CLCC1: variants seen among roughly 807,000 people sequenced by gnomAD.
CLCC1 encodes the protein chloride channel CLIC-like protein 1.
In CLCC1, 39 loss-of-function variants were observed where a neutral mutation model predicts 63.3. The observed-to-expected ratio is 0.62, with a 90% confidence interval of 0.48 to 0.81. The LOEUF is 0.81. Among genes scored for constraint, CLCC1 ranks in the 30% least tolerant of loss-of-function variants. CLCC1 has a pLI of 0.00. For synonymous variants in CLCC1, 217 were observed against 239.8 expected (o/e 0.90, Z 0.88); for missense variants, 549 against 669.4 (o/e 0.82, Z 1.98).
rs1477075797 is a variant in CLCC1 at position 108,962,472 on chromosome 1, G to A, written c.-172-3C>T. 1 of 152,148 alleles carries A rather than the reference G, an allele frequency of 6.6e-6. No individual in the cohort carries two copies. Among genetic ancestry groups the A allele is most frequent in the East Asian group, 1.9e-4 (1 of 5,202 alleles). 9.4% of individuals were successfully genotyped at this position (152,148 alleles called of 1,614,324 possible). A position where few individuals can be genotyped will look rare whatever the true frequency, so the allele number is the denominator to read the frequency against. ...TCCCAGATGACGATAAAGCTAGTCT[G>A]GGAAGAACACTTCATAATCACTATT... On this transcript the variant is annotated splice_polypyrimidine_tract_variant and splice_region_variant and intron_variant, in intron 1 of 12. Coordinates refer to ENST00000369969, the MANE Select transcript of CLCC1 (RefSeq NM_001377458.1).
Position 108,947,684 on chromosome 1 carries a change from T to C in CLCC1, c.266A>G (p.Tyr89Cys). The change falls in exon 5 of 13, where the codon TAT (tyrosine) becomes TGT (cysteine). Residue 89 changes from tyrosine to cysteine, a missense_variant. Transcript: ENST00000369969. Reference sequence around the variant, plus strand: ...AAAAACAGGATTGCTTTGACTTTCATAGTCTTCCCTCTTTTTCTTTTCACA... The same window carrying C: ...AAAAACAGGATTGCTTTGACTTTCACAGTCTTCCCTCTTTTTCTTTTCACA... Reference protein sequence around the residue: ...DECEKKKREDYESQSNPVFRR... With the variant: ...DECEKKKREDCESQSNPVFRR... 1.9e-6 allele frequency: 3 copies of C among 1,611,044 alleles called. No homozygotes were observed. Among genetic ancestry groups the C allele is most frequent in the South Asian group, 1.1e-5 (1 of 90,342 alleles).
chr1:108,946,052 A>T lies in CLCC1; in HGVS notation c.339+1559T>A, dbSNP rs575960947. 9.9e-4 allele frequency among the ~76,000 whole-genome samples: 151 copies of T among 151,930 alleles called. 2 individuals are homozygous for T. The highest frequency in any genetic ancestry group is 2.1e-3 in the Non-Finnish European group (141 of 67,916). ...TGGCCGGGCGCGGTGGCTCATGCCT[A>T]TAATCCCAGCACTTTGGGAGGCATG... is the stretch of plus-strand genomic sequence containing the variant. On this transcript the variant is annotated intron_variant, in intron 5 of 12. Coordinates refer to ENST00000369969, the MANE Select transcript of CLCC1 (RefSeq NM_001377458.1).
At position 108,947,658 on chromosome 1, in the gene CLCC1, TA is replaced by T; in HGVS notation, c.291del (p.Phe97LeufsTer5). 1.2e-6 allele frequency: 2 copies of T among 1,612,524 alleles called. No homozygotes were observed. Among genetic ancestry groups the T allele is most frequent in the South Asian group, 1.1e-5 (1 of 90,602 alleles). ...ATTAAAATCTTATTTAAGTATCTCCTAAAAACAGGATTGCTTTGACTTTCAT... is the reference window on the plus strand; with the variant it reads ...ATTAAAATCTTATTTAAGTATCTCCTAAAACAGGATTGCTTTGACTTTCAT... Reference protein sequence around the residue: ...EDYESQSNPVFRRYLNKILIE... With the variant: ...EDYESQSNPVXRRYLNKILIE... On this transcript the variant is annotated frameshift_variant, in exon 5 of 13. Coordinates refer to ENST00000369969, the MANE Select transcript of CLCC1 (RefSeq NM_001377458.1). LOFTEE classifies it high-confidence loss of function.
At chr1:108,958,654 G>A (rs946894372) in intron 2 of CLCC1, among the ~76,000 whole-genome samples, 9 of 147,330 alleles carry the variant, frequency 6.1e-5, no homozygotes, top group South Asian at 2.1e-4. Flanking sequence ...CCCAGCAGGC[G>A]GATCACTTGA....
intron 2 of CLCC1, among the ~76,000 whole-genome samples, chr1:108,959,861 G>A (rs938933648): frequency 9.2e-5 from 14 of 152,132 alleles, no homozygotes; most frequent in Admixed American, 2.0e-4. Flanking sequence ...CGGTTGTGGC[G>A]ACTCACGCCT....
At chr1:108,934,566 C>T in intron 12 of CLCC1, 59 bp downstream of exon 12, 1 of 1,375,102 alleles carries the variant, frequency 7.3e-7, no homozygotes, top group Middle Eastern at 2.7e-4. Flanking sequence ...GAAGTTGGCA[C>T]CTTTGTAGTA....
At chr1:108,963,046 C>T (rs1656869630) in intron 1 of CLCC1, among the ~76,000 whole-genome samples, 1 of 152,218 alleles carries the variant, frequency 6.6e-6, no homozygotes, top group Non-Finnish European at 1.5e-5. Flanking sequence ...ATAACCAAAG[C>T]CAACAGAATT....
intron 10 of CLCC1, among the ~76,000 whole-genome samples, 183 bp downstream of exon 10, chr1:108,939,453 C>G (rs547100785): frequency 6.6e-6 from 1 of 151,184 alleles, no homozygotes; most frequent in African/African-American, 2.4e-5. Flanking sequence ...ACTACAGGCG[C>G]CCGCCACCAC....
chr1:108,942,552 A>G (rs1301070189), intron 7 of CLCC1, among the ~76,000 whole-genome samples: 1 of 152,130 alleles, frequency 6.6e-6, no homozygotes, highest in Non-Finnish European at 1.5e-5. Context: ...AAGATCTAAA[A>G]TTTTCTTTCA....
intron 2 of CLCC1, among the ~76,000 whole-genome samples, chr1:108,951,488 A>G (rs566710338): frequency 2.0e-5 from 3 of 152,200 alleles, no homozygotes; most frequent in Non-Finnish European, 2.9e-5. Context: ...AAATACTGAC[A>G]CCATGCTACA....
intron 4 of CLCC1, 83 bp from the exon 5 acceptor site, chr1:108,947,801 G>A: frequency 1.1e-6 from 1 of 886,938 alleles, no homozygotes; most frequent in Non-Finnish European, 1.8e-6. Context: ...GCTGTCATCG[G>A]AATCAAGGTA....
At chr1:108,950,277 T>C (rs1655022027) in intron 3 of CLCC1, 32 bp downstream of exon 3, 6 of 1,595,482 alleles carry the variant, frequency 3.8e-6, no homozygotes, top group Non-Finnish European at 5.1e-6. Context: ...ACTGATAAGG[T>C]CTCACACACA....
chr1:108,959,687 G>A (rs997447365), intron 2 of CLCC1, among the ~76,000 whole-genome samples: 16 of 152,128 alleles, frequency 1.1e-4, no homozygotes, highest in African/African-American at 3.9e-4. Context: ...GCATTTACTA[G>A]GATCTTAGAA....
chr1:108,930,033 C>G lies in CLCC1; in HGVS notation c.*2514G>C. The G allele has an allele frequency of 9.1e-7, 1 of 1,096,992 alleles. No individual in the cohort carries two copies. 68.0% of individuals were successfully genotyped at this position (1,096,992 alleles called of 1,614,324 possible). ...AAGGAGAATTTATAGCACTGTAATACAGCTTAAAATATTTTTAGAATGATG... is the reference window on the plus strand; with the variant it reads ...AAGGAGAATTTATAGCACTGTAATAGAGCTTAAAATATTTTTAGAATGATG... On this transcript the variant is annotated 3_prime_UTR_variant, in exon 13 of 13. Coordinates refer to ENST00000369969, the MANE Select transcript of CLCC1 (RefSeq NM_001377458.1).
At chr1:108,936,589 GA>G (rs1653041920) in intron 11 of CLCC1, among the ~76,000 whole-genome samples, 1 of 152,276 alleles carries the variant, frequency 6.6e-6, no homozygotes, top group African/African-American at 2.4e-5. Context: ...TGATAATGGT[GA>G]AAAACTTCTT....
At chr1:108,941,520 C>A in intron 7 of CLCC1, 22 bp from the exon 8 acceptor site, 1 of 1,605,374 alleles carries the variant, frequency 6.2e-7, no homozygotes, top group Non-Finnish European at 8.5e-7. Flanking sequence ...CAAAAGGGAA[C>A]CAGGAGAGGC....
In CLCC1 at chr1:108,929,590, C is replaced by G. The variant is rs1651541517; in HGVS notation, c.*2957G>C. On this transcript the variant is annotated 3_prime_UTR_variant, in exon 13 of 13. Coordinates refer to ENST00000369969, the MANE Select transcript of CLCC1 (RefSeq NM_001377458.1). ...AAAACAAAGATTAATTTCTGAGAAGCCCCAAATAAAAGTTTACAACTGCGT... is the reference window on the plus strand; with the variant it reads ...AAAACAAAGATTAATTTCTGAGAAGGCCCAAATAAAAGTTTACAACTGCGT... The G allele has an allele frequency of 1.1e-6, 1 of 888,418 alleles. No individual in the cohort carries two copies. Among genetic ancestry groups the G allele is most frequent in the South Asian group, 1.4e-5 (1 of 70,456 alleles). The allele number at this position is 888,418 out of a possible 1,614,324, so 55.0% of individuals were successfully genotyped here. A position where few individuals can be genotyped will look rare whatever the true frequency, so the allele number is the denominator to read the frequency against.
rs748459449 is a variant in CLCC1, at chr1:108,943,468, A to G, written c.702+7T>C. On this transcript the variant is annotated splice_region_variant and intron_variant, in intron 7 of 12. Coordinates refer to ENST00000369969, the MANE Select transcript of CLCC1 (RefSeq NM_001377458.1). The stretch of plus-strand genomic sequence containing the variant: ...TAAAATTGTAAAACCCTCCATCCAT[A>G]TAATACCTTATATAAATACATCCAA... 3 of 1,612,244 alleles carry G rather than the reference A, an allele frequency of 1.9e-6. No individual in the cohort carries two copies. Among genetic ancestry groups the G allele is most frequent in the Non-Finnish European group, 8.5e-7 (1 of 1,178,906 alleles).
chr1:108,950,035 T>C (rs1654997762), intron 3 of CLCC1, 114 bp from the exon 4 acceptor site: 1 of 721,844 alleles, frequency 1.4e-6, no homozygotes, highest in Admixed American at 3.3e-5. Flanking sequence ...GCATGTTATA[T>C]TCTTAAATTG....
Sources: gnomAD v4.1 joint callset for allele counts (sites outside exome capture counted in the v4.1 genomes callset) on GRCh38, gnomAD v4.1.1 for gene constraint, MANE v1.5 for transcripts, NCBI Gene and HGNC (gene_info 2026-07-23, HGNC 2026-07-21) for gene names.